The following TRIM28 variants were observed in gnomAD, a reference collection of about 807,000 sequenced individuals.
TRIM28 encodes transcription intermediary factor 1-beta.
A neutral mutation model predicts 87.4 loss-of-function variants in TRIM28; 8 were observed. That is an observed-to-expected ratio of 0.09 (90% CI 0.05 to 0.17). TRIM28 has a LOEUF of 0.17. Among genes scored for constraint, TRIM28 ranks in the 10% least tolerant of loss-of-function variants. TRIM28 has a pLI of 1.00. For synonymous variants in TRIM28, 601 were observed against 454.3 expected (o/e 1.32, Z -4.11); for missense variants, 968 against 1,131.8 (o/e 0.86, Z 2.08).
At position 58,547,582 on chromosome 19, in the gene TRIM28, T is replaced by A. The variant is rs376768256; in HGVS notation, c.723-15T>A. 4.3e-6 allele frequency: 7 copies of A among 1,613,730 alleles called. No individual in the cohort carries two copies. In the Admixed American group the frequency reaches 6.7e-5, roughly 15 times the overall value. On this transcript the variant is annotated splice_polypyrimidine_tract_variant and intron_variant, in intron 4 of 16. Coordinates refer to ENST00000253024, the MANE Select transcript of TRIM28 (RefSeq NM_005762.3). ...CCGTAGCTTAGTGCTCAGGAACACATCTGTCTGCTCTCAGGTACCAGTTCT... is the reference window on the plus strand; with the variant it reads ...CCGTAGCTTAGTGCTCAGGAACACAACTGTCTGCTCTCAGGTACCAGTTCT...
In TRIM28 at chr19:58,549,536, A is replaced by G. The variant is rs777658305; in HGVS notation, c.1868A>G (p.Asp623Gly). The G allele has an allele frequency of 6.2e-7, 1 of 1,613,972 alleles. No individual in the cohort carries two copies. Among genetic ancestry groups the G allele is most frequent in the Non-Finnish European group, 8.5e-7 (1 of 1,179,990 alleles). Residue 623 changes from aspartate (D) to glycine (G), a missense_variant, in exon 13 of 17, where the codon GAC (aspartate) becomes GGC (glycine). This residue lies in a region of TRIM28 where 164 missense variants were observed against 146.2 expected (regional missense o/e 1.12). Transcript: ENST00000253024. The surrounding 1 kb of genome is among the most constrained non-coding windows in gnomAD (Gnocchi z 4.4). Reference sequence around the variant, plus strand: ...GGTGGTGGCCCGGGAACCCTGGATGACAGTGCCACCATTTGCCGTGTCTGC... The same window carrying G: ...GGTGGTGGCCCGGGAACCCTGGATGGCAGTGCCACCATTTGCCGTGTCTGC... ...APGGGPGTLD[D>G]SATICRVCQK...
rs1294185847 is a variant in TRIM28 at position 58,544,810 on chromosome 19, G to C, written c.53G>C (p.Gly18Ala). The C allele has an allele frequency of 2.4e-6, 3 of 1,226,264 alleles. No individual in the cohort carries two copies. Among genetic ancestry groups the C allele is most frequent in the Admixed American group, 4.3e-5 (1 of 23,426 alleles). The allele number at this position is 1,226,264 out of a possible 1,614,324, so 76.0% of individuals were successfully genotyped here. Residue 18 changes from glycine (G) to alanine (A), a missense_variant, in exon 1 of 17, where the codon GGC (glycine) becomes GCC (alanine). Gly to Ala is a moderately conservative substitution (Grantham distance 60). Transcript: ENST00000253024. ...ASAAAASAAS[G>A]SPGPGEGSAG... ...GCAGCAGCGGCCTCGGCCGCCTCTG[G>C]CAGCCCGGGCCCGGGCGAGGGCTCC... is the stretch of plus-strand genomic sequence containing the variant.
At position 58,544,783 on chromosome 19, in the gene TRIM28, C is replaced by G; in HGVS notation, c.26C>G (p.Ser9Trp). The change falls in exon 1 of 17, where the codon TCG becomes TGG. Residue 9 changes from serine to tryptophan, a missense_variant. Physicochemically the swap from Ser to Trp is radical, Grantham distance 177. This residue lies in a region of TRIM28 where 208 missense variants were observed against 170.9 expected (regional missense o/e 1.22). Coordinates refer to ENST00000253024, the MANE Select transcript of TRIM28 (RefSeq NM_005762.3). ...ATGGCGGCCTCCGCGGCGGCAGCCT[C>G]GGCAGCAGCGGCCTCGGCCGCCTCT... is the stretch of plus-strand genomic sequence containing the variant. MAASAAAA[S>W]AAAASAASGS... The G allele has an allele frequency of 8.5e-7, 1 of 1,177,122 alleles. No individual in the cohort carries two copies. The highest frequency in any genetic ancestry group is 1.0e-6 in the Non-Finnish European group (1 of 953,824). The allele number at this position is 1,177,122 out of a possible 1,614,324, so 72.9% of individuals were successfully genotyped here.
In TRIM28 at chr19:58,549,663, C is replaced by T; in HGVS notation, c.1982+13C>T. On this transcript the variant is annotated intron_variant, in intron 13 of 16. Coordinates refer to ENST00000253024, the MANE Select transcript of TRIM28 (RefSeq NM_005762.3). The surrounding 1 kb of genome is among the most constrained non-coding windows in gnomAD (Gnocchi z 4.4). Reference sequence around the variant, plus strand: ...AGGATGTACCAGGGTGAGTGTGAGGCTGGTGGGGGTCAAGTCTGGGTGTTG... The same window carrying T: ...AGGATGTACCAGGGTGAGTGTGAGGTTGGTGGGGGTCAAGTCTGGGTGTTG... 3 of 1,605,992 alleles carry T rather than the reference C, an allele frequency of 1.9e-6. No homozygotes were observed. The highest frequency in any genetic ancestry group is 2.6e-6 in the Non-Finnish European group (3 of 1,173,992).
chr19:58,550,487 G>A lies in TRIM28; in HGVS notation c.2442G>A (p.Pro814=), dbSNP rs1479569923. 1 of 1,613,030 alleles carries A rather than the reference G, an allele frequency of 6.2e-7. No individual in the cohort carries two copies. Residue 814 remains proline (P), a synonymous_variant, in exon 17 of 17, where the codon CCG becomes CCA. Coordinates refer to ENST00000253024, the MANE Select transcript of TRIM28 (RefSeq NM_005762.3). ...KFSAVLVEPP[P]MSLPGAGLSS... ...CTGCTGTGCTGGTGGAGCCCCCGCC[G>A]ATGAGCCTGCCTGGTGCTGGCCTGA...
chr19:58,547,972 T>C (rs2053776060), intron 6 of TRIM28, 62 bp from the exon 7 acceptor site: 2 of 1,612,888 alleles, frequency 1.2e-6, no homozygotes, highest in Non-Finnish European at 1.7e-6. Context: ...CTGTCTGGGG[T>C]GAGGAGTGAT....
In TRIM28 at chr19:58,548,522, C is replaced by T. The variant is rs762548250; in HGVS notation, c.1253C>T (p.Thr418Ile). 9 of 1,614,040 alleles carry T rather than the reference C, an allele frequency of 5.6e-6. No homozygotes were observed. In the South Asian group the frequency reaches 8.8e-5, roughly 16 times the overall value. The change falls in exon 9 of 17, where the codon ACA (threonine) becomes ATA (isoleucine). Residue 418 changes from threonine (T) to isoleucine (I), a missense_variant. Around this residue, in one of 11 missense-constraint regions of TRIM28, gnomAD observed 119 missense variants for 93.6 expected, o/e 1.27. Coordinates refer to ENST00000253024, the MANE Select transcript of TRIM28 (RefSeq NM_005762.3). ...IVAERPGTNS[T>I]GPAPMAPPRA... ...GCAGAGCGTCCTGGCACTAACTCAA[C>T]AGGCCCTGCACCCATGGCCCCTCCA...
Position 58,549,013 on chromosome 19 carries a change from A to G in TRIM28, c.1435A>G (p.Ser479Gly), listed in dbSNP as rs770140900. The stretch of plus-strand genomic sequence containing the variant: ...GTCCCGCTCAGGTGAGGGCGAGGTG[A>G]GCGGCCTTATGCGCAAGGTGCCACG... ...KRSRSGEGEVSGLMRKVPRVS... is the reference protein window; with the variant it reads ...KRSRSGEGEVGGLMRKVPRVS... Residue 479 changes from serine to glycine, a missense_variant, in exon 12 of 17, where the codon AGC becomes GGC. By Grantham distance (56) the Ser-to-Gly change is moderately conservative (BLOSUM62 0). Transcript: ENST00000253024. The surrounding 1 kb of genome is among the most constrained non-coding windows in gnomAD (Gnocchi z 4.4). 1 of 1,614,062 alleles carries G rather than the reference A, an allele frequency of 6.2e-7. No homozygotes were observed. Among genetic ancestry groups the G allele is most frequent in the Admixed American group, 1.7e-5 (1 of 60,020 alleles).
rs780741524 is a variant in TRIM28, at chr19:58,550,427, G to A, written c.2382G>A (p.Thr794=). ...TCGGCCTGCAGCGCTTCTTCGAGACGCGCATGAACGAGGCCTTCGGTGACA... is the reference window on the plus strand; with the variant it reads ...TCGGCCTGCAGCGCTTCTTCGAGACACGCATGAACGAGGCCTTCGGTGACA... The part of the protein sequence containing the change: ...SIIGLQRFFE[T]RMNEAFGDTK... The change falls in exon 17 of 17, where the codon ACG becomes ACA. Residue 794 remains threonine, a synonymous_variant. Coordinates refer to ENST00000253024, the MANE Select transcript of TRIM28 (RefSeq NM_005762.3). 8 of 1,613,762 alleles carry A rather than the reference G, an allele frequency of 5.0e-6. No homozygotes were observed. In the African/African-American group the frequency reaches 5.3e-5, roughly 11 times the overall value.
chr19:58,547,957 T>C, intron 6 of TRIM28, 51 bp downstream of exon 6: 6 of 1,613,658 alleles, frequency 3.7e-6, no homozygotes, highest in Middle Eastern at 3.3e-4. Context: ...TGCTGATTGA[T>C]GATGCTGTCT....
chr19:58,547,561 A>G, intron 4 of TRIM28, 36 bp from the exon 5 acceptor site: 3 of 1,613,512 alleles, frequency 1.9e-6, no homozygotes, highest in African/African-American at 1.3e-5. Flanking sequence ...CCCCTTCCGT[A>G]GCTTAGTGCT....
chr19:58,550,026 C>T lies in TRIM28; in HGVS notation c.2184C>T (p.Thr728=), dbSNP rs35271350. 443 of 1,614,092 alleles carry T rather than the reference C, an allele frequency of 2.7e-4. 1 individual carries two copies. The African/African-American group carries it at 5.0e-3, about 18-fold the overall frequency. ...RPLHQLATDS[T]FSLDQPGGTL... is the part of the protein sequence containing the mutation. Reference sequence around the variant, plus strand: ...TGCATCAGCTGGCTACCGACTCCACCTTCTCCCTGGTGAGTCCTAGGATGG... The same window carrying T: ...TGCATCAGCTGGCTACCGACTCCACTTTCTCCCTGGTGAGTCCTAGGATGG... The change falls in exon 15 of 17, where the codon ACC becomes ACT. Residue 728 remains threonine, a synonymous_variant. Transcript: ENST00000253024.
chr19:58,545,891 C>G lies in TRIM28; in HGVS notation c.581C>G (p.Ser194Cys), dbSNP rs1437564236. The G allele has an allele frequency of 1.3e-6, 2 of 1,588,184 alleles. No homozygotes were observed. Among genetic ancestry groups the G allele is most frequent in the Admixed American group, 1.7e-5 (1 of 59,002 alleles). ...TACACCAAGGACCATACTGTGCGCT[C>G]TACTGGTACATGAGGCTGAGGGGGG... ...VKYTKDHTVR[S>C]TGPAKSRDGE... The change falls in exon 3 of 17, where the codon TCT becomes TGT. Residue 194 changes from serine to cysteine, a missense_variant. By Grantham distance (112) the Ser-to-Cys change is moderately radical. Around this residue, in one of 11 missense-constraint regions of TRIM28, gnomAD observed 103 missense variants for 139.0 expected, o/e 0.74. Transcript: ENST00000253024.
At chr19:58,547,222 A>G in intron 3 of TRIM28, 154 bp from the exon 4 acceptor site, 1 of 874,164 alleles carries the variant, frequency 1.1e-6, no homozygotes, top group Non-Finnish European at 1.7e-6. Flanking sequence ...TTGGGCTTGC[A>G]GGCCTGTGTT....
intron 1 of TRIM28, 37 bp downstream of exon 1, chr19:58,545,134 C>CT: frequency 1.3e-5 from 18 of 1,385,322 alleles, no homozygotes; most frequent in Non-Finnish European, 1.4e-5. Flanking sequence ...CCTCCCCCTA[C>CT]TCTCTGCCTT....
At chr19:58,545,731 C>G (rs745325764) in intron 2 of TRIM28, 33 bp from the exon 3 acceptor site, 1 of 1,588,176 alleles carries the variant, frequency 6.3e-7, no homozygotes, top group East Asian at 2.3e-5. Flanking sequence ...ATCAAGTTGT[C>G]TTGCCTTCTC....
In TRIM28 at chr19:58,549,470, C is replaced by T; in HGVS notation, c.1802C>T (p.Ser601Leu). 1 of 1,613,224 alleles carries T rather than the reference C, an allele frequency of 6.2e-7. No homozygotes were observed. Among genetic ancestry groups the T allele is most frequent in the Non-Finnish European group, 8.5e-7 (1 of 1,179,552 alleles). Residue 601 changes from serine to leucine, a missense_variant, in exon 13 of 17, where the codon TCA becomes TTA. Physicochemically the swap from Ser to Leu is moderately radical, Grantham distance 145 (BLOSUM62 -2). Transcript: ENST00000253024. This position sits in a 1 kb window ranked among gnomAD's most constrained non-coding sequence, Gnocchi z 4.4. ...GCCTCACCTAGTGGCAGCACCAGCT[C>T]AGGGCTGGAGGTGGTGGCTCCTGAG... Reference protein sequence around the residue: ...RLASPSGSTSSGLEVVAPEGT... With the variant: ...RLASPSGSTSLGLEVVAPEGT...
rs1202342378 is a variant in TRIM28, at chr19:58,544,312, G to T, written c.-446G>T. The T allele has an allele frequency of 6.6e-6, 1 of 152,326 alleles. No homozygotes were observed. Among genetic ancestry groups the T allele is most frequent in the African/African-American group, 2.4e-5 (1 of 41,456 alleles). 9.4% of individuals were successfully genotyped at this position (152,326 alleles called of 1,614,324 possible). On this transcript the variant is annotated 5_prime_UTR_variant, in exon 1 of 17. Transcript: ENST00000253024. ...CACCGACGTGGGGTTGGCGGTGGTG[G>T]AAGGACTAGGAGTTGGCGCGTGCGT... is the stretch of plus-strand genomic sequence containing the variant.
At position 58,550,645 on chromosome 19, in the gene TRIM28, G is replaced by A; in HGVS notation, c.*92G>A. ...CCTGGTGGCCTGACTCCCACTCCCTGGTGGCCCCATCCCCCAGTTCCTCAC... is the reference window on the plus strand; with the variant it reads ...CCTGGTGGCCTGACTCCCACTCCCTAGTGGCCCCATCCCCCAGTTCCTCAC... On this transcript the variant is annotated 3_prime_UTR_variant, in exon 17 of 17. Coordinates refer to ENST00000253024, the MANE Select transcript of TRIM28 (RefSeq NM_005762.3). 4 of 1,309,142 alleles carry A rather than the reference G, an allele frequency of 3.1e-6. No homozygotes were observed. Among genetic ancestry groups the A allele is most frequent in the Non-Finnish European group, 4.2e-6 (4 of 962,988 alleles). The allele number at this position is 1,309,142 out of a possible 1,614,324, so 81.1% of individuals were successfully genotyped here.
Sources: gnomAD v4.1 joint callset for allele counts on GRCh38, gnomAD v4.1.1 for gene constraint, gnomAD v4.1.1 regional missense constraint, Gnocchi (gnomAD v3.1) non-coding constraint, MANE v1.5 for transcripts, NCBI Gene and HGNC (gene_info 2026-07-23, HGNC 2026-07-21) for gene names.